The following ALLC variants were observed in gnomAD, a reference collection of about 807,000 sequenced individuals.
The protein encoded by ALLC is allantoicase, also known as probable inactive allantoicase.
Under a neutral mutation model 45.0 loss-of-function variants are expected in ALLC, and 40 were observed. The observed-to-expected ratio is 0.89, with a 90% CI of 0.69 to 1.16. ALLC has a LOEUF of 1.16. Among genes scored for constraint, ALLC ranks in the 50% most tolerant of loss-of-function variants. The probability of loss-of-function intolerance (pLI) is 0.00; values close to 1 mark genes in which losing one functional copy is unlikely to be tolerated. For synonymous variants in ALLC, 176 were observed against 178.1 expected, an observed-to-expected ratio of 0.99 and a Z score of 0.09; for missense variants, 488 against 493.1, an observed-to-expected ratio of 0.99 and a Z score of 0.10.
At chr2:3,669,351 G>C (rs966621048) in intron 1 of ALLC, among the ~76,000 whole-genome samples, 11 of 152,202 alleles carry the variant, frequency 7.2e-5, no homozygotes, top group African/African-American at 2.7e-4. Context: ...GCAGGTTCTT[G>C]TAATCTCAGC....
At chr2:3,693,919 C>A (rs1200450180) in intron 7 of ALLC, among the ~76,000 whole-genome samples, 1 of 151,906 alleles carries the variant, frequency 6.6e-6, no homozygotes, top group Non-Finnish European at 1.5e-5. Context: ...ACCCGGGAGG[C>A]GGAGGTTGCA....
intron 4 of ALLC, 100 bp from the exon 5 acceptor site, chr2:3,679,769 C>G: frequency 6.6e-7 from 1 of 1,518,358 alleles, no homozygotes; most frequent in Non-Finnish European, 9.1e-7. Flanking sequence ...GACGGAATGG[C>G]CCCTGCTGTG....
At chr2:3,660,278 A>G (rs1198301707) in intron 1 of ALLC, among the ~76,000 whole-genome samples, 1 of 152,086 alleles carries the variant, frequency 6.6e-6, no homozygotes, top group Admixed American at 6.5e-5. Context: ...TCCTACCAGG[A>G]GTGGAAGCAG....
upstream of ALLC, among the ~76,000 whole-genome samples, chr2:3,657,615 C>T (rs1320859364): frequency 6.6e-6 from 1 of 152,222 alleles, no homozygotes; most frequent in East Asian, 1.9e-4. Flanking sequence ...CGAAGCCGGG[C>T]TCAGCTGTTT....
chr2:3,655,758 C>G (rs751324847), upstream of ALLC, among the ~76,000 whole-genome samples: 15 of 152,216 alleles, frequency 9.9e-5, no homozygotes, highest in Non-Finnish European at 1.9e-4. Flanking sequence ...CTGTGCCCAG[C>G]CTTAGAATGA....
At chr2:3,657,924 A>G (rs941599382), upstream of ALLC, among the ~76,000 whole-genome samples, 5 of 152,190 alleles carry the variant, frequency 3.3e-5, no homozygotes, top group Admixed American at 2.6e-4. Flanking sequence ...CTAGAGATAA[A>G]ACTTTAAGTC....
intron 1 of ALLC, 30 bp from the exon 2 acceptor site, chr2:3,671,066 A>G (rs1666855575): frequency 4.9e-6 from 7 of 1,422,132 alleles, no homozygotes; most frequent in African/African-American, 4.2e-5. Context: ...GCAGCCCCCA[A>G]GGTTGACCGA....
chr2:3,675,801 A>G (rs1667010558), intron 3 of ALLC, among the ~76,000 whole-genome samples: 1 of 152,176 alleles, frequency 6.6e-6, no homozygotes, highest in Non-Finnish European at 1.5e-5. Flanking sequence ...ATGGGAAAAT[A>G]CTTTAGGCTG....
At chr2:3,660,104 G>C (rs1015405869) in intron 1 of ALLC, among the ~76,000 whole-genome samples, 1 of 152,218 alleles carries the variant, frequency 6.6e-6, no homozygotes, top group South Asian at 2.1e-4. Flanking sequence ...AGGAGTCTGG[G>C]TTATGGGGGC....
upstream of ALLC, among the ~76,000 whole-genome samples, chr2:3,655,494 T>TG (rs1666418356): frequency 1.3e-5 from 2 of 152,210 alleles, no homozygotes; most frequent in Non-Finnish European, 2.9e-5. Context: ...CTCACTCTAT[T>TG]GCCCAGGCTG....
chr2:3,701,560 AG>A lies in ALLC; in HGVS notation c.901del (p.Glu301LysfsTer5). On this transcript the variant is annotated frameshift_variant, in exon 11 of 12. Coordinates refer to ENST00000252505, the MANE Select transcript of ALLC (RefSeq NM_018436.4). LOFTEE classifies it high-confidence loss of function. ...GTGGATGGGTGCATCCTGACAACTC[AG>A]GAAGAAGAAGCCGTGATCAGGCAAA... Reference protein sequence around the residue: ...CKVDGCILTTQEEEAVIRQKW... With the variant: ...CKVDGCILTTXEEEAVIRQKW... The A allele has an allele frequency of 1.9e-6, 3 of 1,565,792 alleles. No individual in the cohort carries two copies. Among genetic ancestry groups the A allele is most frequent in the Non-Finnish European group, 2.6e-6 (3 of 1,160,680 alleles).
At chr2:3,662,434 C>T (rs1200321395) in intron 1 of ALLC, among the ~76,000 whole-genome samples, 1 of 152,206 alleles carries the variant, frequency 6.6e-6, no homozygotes, top group East Asian at 1.9e-4. Flanking sequence ...GAAGTGTTTA[C>T]GCCAAGGCCC....
chr2:3,660,819 A>AATCGGAATGAGTCAGGGTGGAGCAGGTG lies in ALLC; in HGVS notation c.-63+2585_-63+2612dup, dbSNP rs763767763. Among the ~76,000 whole-genome samples the AATCGGAATGAGTCAGGGTGGAGCAGGTG allele has an allele frequency of 8.3e-3, 890 of 107,036 alleles. 61 individuals are homozygous for AATCGGAATGAGTCAGGGTGGAGCAGGTG. Among genetic ancestry groups the AATCGGAATGAGTCAGGGTGGAGCAGGTG allele is most frequent in the African/African-American group, 0.039 (777 of 20,028 alleles). 70.2% of individuals were successfully genotyped at this position (107,036 alleles called of 152,430 possible). On this transcript the variant is annotated intron_variant, in intron 1 of 11. Coordinates refer to ENST00000252505, the MANE Select transcript of ALLC (RefSeq NM_018436.4). Reference sequence around the variant, plus strand: ...CGGAATGAGTCAGGGTGGGGCAGGAAATCGGAATGAGTCAGGGTGGAGCAG... The same window carrying AATCGGAATGAGTCAGGGTGGAGCAGGTG: ...CGGAATGAGTCAGGGTGGGGCAGGAAATCGGAATGAGTCAGGGTGGAGCAGGTGATCGGAATGAGTCAGGGTGGAGCAG...
chr2:3,681,757 G>C, intron 6 of ALLC, 44 bp downstream of exon 6: 1 of 1,485,998 alleles, frequency 6.7e-7, no homozygotes, highest in Non-Finnish European at 9.3e-7. Flanking sequence ...CCAATTATTA[G>C]GAGAGTAGGG....
Position 3,678,474 on chromosome 2 carries a change from A to C in ALLC, c.91A>C (p.Ser31Arg), listed in dbSNP as rs772288129. 1.9e-6 allele frequency: 3 copies of C among 1,613,798 alleles called. No individual in the cohort carries two copies. The South Asian group carries it at 3.3e-5, about 18-fold the overall frequency. ...APAENLIKSDSPCFKEHEYTE... is the reference protein window; with the variant it reads ...APAENLIKSDRPCFKEHEYTE... ...GTTGTGGTCTTTGCCCTAGAGTGAC[A>C]GCCCGTGCTTCAAAGAGCATGAATA... is the stretch of plus-strand genomic sequence containing the variant. Residue 31 changes from serine (S) to arginine (R), a missense_variant, in exon 4 of 12, where the codon AGC becomes CGC. Transcript: ENST00000252505.
At chr2:3,697,726 C>T (rs559281839) in intron 10 of ALLC, among the ~76,000 whole-genome samples, 76 of 151,846 alleles carry the variant, frequency 5.0e-4, no homozygotes, top group Admixed American at 9.8e-4. Flanking sequence ...AGTGCAGTGG[C>T]GCAATCTCAG....
At position 3,702,378 on chromosome 2, in the gene ALLC, A is replaced by G. The variant is rs752732084; in HGVS notation, c.991A>G (p.Ser331Gly). The G allele has an allele frequency of 6.2e-7, 1 of 1,613,186 alleles. No individual in the cohort carries two copies. The highest frequency in any genetic ancestry group is 1.7e-5 in the Admixed American group (1 of 60,000). ...LPVTKLSPNQSHLFDSLTLEL... is the reference protein window; with the variant it reads ...LPVTKLSPNQGHLFDSLTLEL... ...TGCTTTTCAGTTGTCTCCCAACCAAAGTCATCTGTTCGATAGCCTGACCCT... is the reference window on the plus strand; with the variant it reads ...TGCTTTTCAGTTGTCTCCCAACCAAGGTCATCTGTTCGATAGCCTGACCCT... The change falls in exon 12 of 12, where the codon AGT becomes GGT. Residue 331 changes from serine to glycine, a missense_variant. Ser to Gly is a moderately conservative substitution (Grantham distance 56). Transcript: ENST00000252505.
At chr2:3,684,824 G>GTA (rs1179516456) in intron 7 of ALLC, among the ~76,000 whole-genome samples, 3 of 151,712 alleles carry the variant, frequency 2.0e-5, no homozygotes, top group Non-Finnish European at 4.4e-5. Context: ...CACATAGTAG[G>GTA]TATATATATA....
chr2:3,650,287 C>T, the ALLC span, among the ~76,000 whole-genome samples: 1 of 152,150 alleles, frequency 6.6e-6, no homozygotes, highest in Non-Finnish European at 1.5e-5. Context: ...GCAGGAGCTC[C>T]CACTGCTCCT....
Sources: allele counts gnomAD v4.1 joint callset (sites outside exome capture counted in the v4.1 genomes callset), GRCh38; gene constraint gnomAD v4.1.1; transcripts MANE v1.5; gene names NCBI Gene and HGNC (gene_info 2026-07-23, HGNC 2026-07-21).